Variants in COL25A1 observed in about 807,000 individuals in gnomAD.
COL25A1 encodes collagen type XXV alpha 1 chain, also known as collagen alpha-1(XXV) chain.
A neutral mutation model predicts 128.4 loss-of-function variants in COL25A1; 103 were observed. That is an observed-to-expected ratio of 0.80 (90% confidence interval 0.68 to 0.94). The LOEUF is 0.94. Ranked by LOEUF, COL25A1 falls within the 40% of genes least tolerant of loss-of-function variation. The pLI is 0.00. For missense variants in COL25A1, 745 were observed against 840.0 expected (o/e 0.89, Z 1.40); for synonymous variants, 279 against 277.2 (o/e 1.01, Z -0.06).
At chr4:108,930,178 A>T (rs546481670) in intron 11 of COL25A1, among the ~76,000 whole-genome samples, 1 of 152,176 alleles carries the variant, frequency 6.6e-6, no homozygotes, top group African/African-American at 2.4e-5. Flanking sequence ...TATCTTTTTT[A>T]AGGTTCCACT....
intron 31 of COL25A1, among the ~76,000 whole-genome samples, chr4:108,839,986 A>T (rs1734245189): frequency 6.6e-6 from 1 of 152,058 alleles, no homozygotes; most frequent in Non-Finnish European, 1.5e-5. Flanking sequence ...TCATGCTTGT[A>T]ATCCCAGCAC....
At chr4:109,277,568 G>A (rs1423932489) in intron 3 of COL25A1, among the ~76,000 whole-genome samples, 1 of 152,056 alleles carries the variant, frequency 6.6e-6, no homozygotes. Context: ...TCAGAACAAC[G>A]TCCCCAGACA....
chr4:109,279,870 A>C (rs1723198883), intron 3 of COL25A1, among the ~76,000 whole-genome samples: 1 of 152,086 alleles, frequency 6.6e-6, no homozygotes. Flanking sequence ...TTTTCTGTAG[A>C]CCAAATCAGT....
chr4:108,956,270 G>C (rs10032603), intron 8 of COL25A1, among the ~76,000 whole-genome samples: 6,640 of 152,210 alleles, frequency 0.044, 371 homozygotes, highest in African/African-American at 0.13. Context: ...TCCTTAGATT[G>C]TATATTGAGA....
intron 3 of COL25A1, among the ~76,000 whole-genome samples, chr4:109,202,679 G>A (rs1272985158): frequency 4.6e-5 from 7 of 152,118 alleles, no homozygotes; most frequent in Admixed American, 4.6e-4. Context: ...TTAAGAGAAT[G>A]AAGGGACAAG....
chr4:109,082,975 A>G (rs753746275), intron 3 of COL25A1, among the ~76,000 whole-genome samples: 4 of 152,206 alleles, frequency 2.6e-5, no homozygotes, highest in Non-Finnish European at 5.9e-5. Context: ...GAGAAATATA[A>G]TATGATGAGA....
intron 3 of COL25A1, among the ~76,000 whole-genome samples, chr4:109,214,940 T>C (rs985108558): frequency 6.6e-6 from 1 of 152,168 alleles, no homozygotes. Flanking sequence ...CATTTCATAA[T>C]TTTTAACATG....
chr4:109,289,606 A>T (rs968942431), intron 3 of COL25A1, among the ~76,000 whole-genome samples: 1 of 152,160 alleles, frequency 6.6e-6, no homozygotes, highest in Non-Finnish European at 1.5e-5. Context: ...AAGGGTGATG[A>T]AGCTCCAAAT....
chr4:108,828,284 C>A (rs1005186658), intron 32 of COL25A1, among the ~76,000 whole-genome samples: 1 of 152,020 alleles, frequency 6.6e-6, no homozygotes, highest in African/African-American at 2.4e-5. Context: ...AGTACAGGTG[C>A]CCGCCACGCC....
intron 3 of COL25A1, among the ~76,000 whole-genome samples, chr4:109,138,536 G>C (rs981192963): frequency 2.6e-5 from 4 of 152,110 alleles, no homozygotes; most frequent in South Asian, 2.1e-4. Flanking sequence ...GGTATTTCTG[G>C]TTCTAGATCC....
chr4:108,862,030 G>T (rs1737282018), intron 22 of COL25A1, among the ~76,000 whole-genome samples: 1 of 152,086 alleles, frequency 6.6e-6, no homozygotes, highest in Non-Finnish European at 1.5e-5. Context: ...ATATGATTCT[G>T]CTGACAGTAT....
At chr4:109,161,227 T>C (rs1328535293) in intron 3 of COL25A1, among the ~76,000 whole-genome samples, 1 of 152,130 alleles carries the variant, frequency 6.6e-6, no homozygotes, top group African/African-American at 2.4e-5. Context: ...CTGGAGACAT[T>C]GATTCTTGCA....
Position 108,869,099 on chromosome 4 carries a change from G to T in COL25A1, c.1072C>A (p.Pro358Thr). The T allele has an allele frequency of 6.4e-7, 1 of 1,566,302 alleles. No homozygotes were observed. The highest frequency in any genetic ancestry group is 2.0e-5 in the Admixed American group (1 of 51,126). ...AGAGGCCCACTTACTTTTGTTCCTGGTAAACCTGGTAAGCCTGGTTCTCCT... is the reference window on the plus strand; with the variant it reads ...AGAGGCCCACTTACTTTTGTTCCTGTTAAACCTGGTAAGCCTGGTTCTCCT... ...PQGEPGLPGL[P>T]GTKGERGEAG... The change falls in exon 20 of 38, where the codon CCA becomes ACA. Residue 358 changes from proline to threonine, a missense_variant. By Grantham distance (38) the Pro-to-Thr change is conservative (BLOSUM62 -1). Coordinates refer to ENST00000399132, the MANE Select transcript of COL25A1 (RefSeq NM_198721.4).
intron 37 of COL25A1, among the ~76,000 whole-genome samples, 180 bp downstream of exon 37, chr4:108,817,217 A>T (rs1731328619): frequency 6.6e-6 from 1 of 152,180 alleles, no homozygotes; most frequent in Non-Finnish European, 1.5e-5. Context: ...GTTTGCTAAG[A>T]ATTGCATTAG....
intron 3 of COL25A1, among the ~76,000 whole-genome samples, chr4:109,167,169 C>G (rs899664886): frequency 6.6e-6 from 1 of 152,144 alleles, no homozygotes; most frequent in East Asian, 1.9e-4. Context: ...ATTTGTATAA[C>G]ATCTTAAGTA....
intron 31 of COL25A1, among the ~76,000 whole-genome samples, chr4:108,838,485 G>T (rs759280418): frequency 6.6e-6 from 1 of 151,808 alleles, no homozygotes; most frequent in East Asian, 1.9e-4. Flanking sequence ...ACATTTTTAT[G>T]ATCAAATAAT....
chr4:108,919,023 A>G (rs1361315059), intron 12 of COL25A1, among the ~76,000 whole-genome samples: 1 of 152,218 alleles, frequency 6.6e-6, no homozygotes, highest in Non-Finnish European at 1.5e-5. Context: ...TACACCTTCC[A>G]TTTAGGCTCT....
chr4:108,868,274 G>A (rs974565581), intron 20 of COL25A1, among the ~76,000 whole-genome samples: 3 of 152,198 alleles, frequency 2.0e-5, no homozygotes, highest in Non-Finnish European at 4.4e-5. Flanking sequence ...CCATCCTGTT[G>A]TCTTGCCTAA....
chr4:109,232,547 T>G (rs924007149), intron 3 of COL25A1, among the ~76,000 whole-genome samples: 7 of 152,168 alleles, frequency 4.6e-5, no homozygotes, highest in Non-Finnish European at 7.4e-5. Context: ...AAAGACTTGA[T>G]CAAGAATGTT....
Sources: allele counts gnomAD v4.1 joint callset (sites outside exome capture counted in the v4.1 genomes callset), GRCh38; gene constraint gnomAD v4.1.1; transcripts MANE v1.5; gene names NCBI Gene and HGNC (gene_info 2026-07-23, HGNC 2026-07-21).